Variants in CHMP2B observed in about 807,000 individuals in gnomAD.
The protein encoded by CHMP2B is VPS2 homolog B.
In CHMP2B, 22 loss-of-function variants were observed where a neutral mutation model predicts 29.8. The observed-to-expected ratio is 0.74, with a 90% CI of 0.53 to 1.05. The LOEUF (loss-of-function observed/expected upper bound fraction) is 1.05, where lower values mean the gene tolerates loss of function less well. CHMP2B is among the 50% of genes least tolerant of loss of function. The probability of loss-of-function intolerance (pLI) is 0.00; values close to 1 mark genes in which losing one functional copy is unlikely to be tolerated. For synonymous variants in CHMP2B, 78 were observed against 75.8 expected, an observed-to-expected ratio of 1.03 and a Z score of -0.15; for missense variants, 261 against 252.2, an observed-to-expected ratio of 1.03 and a Z score of -0.24.
chr3:87,252,131 T>A (rs1706322560), intron 4 of CHMP2B, among the ~76,000 whole-genome samples: 1 of 151,954 alleles, frequency 6.6e-6, no homozygotes, highest in Non-Finnish European at 1.5e-5. Context: ...TTATGTGACA[T>A]TTCCAGGGAG....
rs369294279 is a variant in CHMP2B, at chr3:87,248,806, T to A, written c.322-1069T>A. 3.9e-5 allele frequency among the ~76,000 whole-genome samples: 6 copies of A among 152,152 alleles called. No individual in the cohort carries two copies. The East Asian group carries it at 1.2e-3, about 29-fold the overall frequency. On this transcript the variant is annotated intron_variant, in intron 3 of 5. Coordinates refer to ENST00000263780, the MANE Select transcript of CHMP2B (RefSeq NM_014043.4). ...AGTGTCATACTTGGAAAGAATACTTTGGCTACTGCATTGCATGCCATTGAG... is the reference window on the plus strand; with the variant it reads ...AGTGTCATACTTGGAAAGAATACTTAGGCTACTGCATTGCATGCCATTGAG...
intron 5 of CHMP2B, 32 bp from the exon 6 acceptor site, chr3:87,253,680 T>G (rs369051984): frequency 6.4e-7 from 1 of 1,564,330 alleles, no homozygotes. Flanking sequence ...TGTTTCCTAA[T>G]GCACGTTTGT....
intron 2 of CHMP2B, among the ~76,000 whole-genome samples, chr3:87,241,476 C>T (rs1706118408): frequency 6.6e-6 from 1 of 152,094 alleles, no homozygotes; most frequent in South Asian, 2.1e-4. Context: ...TGCCTGTCTC[C>T]CTTTTTCCTG....
intron 2 of CHMP2B, among the ~76,000 whole-genome samples, chr3:87,243,438 G>A (rs1399375119): frequency 6.6e-6 from 1 of 151,670 alleles, no homozygotes; most frequent in Non-Finnish European, 1.5e-5. Context: ...CACTTTTATT[G>A]CCCAGGCGGC....
intron 1 of CHMP2B, among the ~76,000 whole-genome samples, chr3:87,237,690 A>G (rs1293406366): frequency 6.6e-6 from 1 of 152,210 alleles, no homozygotes; most frequent in Non-Finnish European, 1.5e-5. Flanking sequence ...AGGATTGACA[A>G]TGCATACCCA....
intron 3 of CHMP2B, among the ~76,000 whole-genome samples, chr3:87,247,948 C>T (rs1575969989): frequency 6.6e-6 from 1 of 152,042 alleles, no homozygotes; most frequent in East Asian, 1.9e-4. Flanking sequence ...AGAATGCATC[C>T]ATTTTGTGAA....
At chr3:87,238,590 A>T (rs1183572253) in intron 1 of CHMP2B, among the ~76,000 whole-genome samples, 1 of 152,104 alleles carries the variant, frequency 6.6e-6, no homozygotes. Flanking sequence ...CGCTTACCAT[A>T]ATGTTTTTGA....
In CHMP2B at chr3:87,245,745, G is replaced by T. The variant is rs370382342; in HGVS notation, c.158G>T (p.Gly53Val). 1.2e-6 allele frequency: 2 copies of T among 1,613,538 alleles called. No homozygotes were observed. Among genetic ancestry groups the T allele is most frequent in the South Asian group, 2.2e-5 (2 of 90,992 alleles). The change falls in exon 3 of 6, where the codon GGT (glycine) becomes GTT (valine). Residue 53 changes from glycine to valine, a missense_variant. Transcript: ENST00000263780. ...ELEIKKMAKI[G>V]NKEACKVLAK... ...GAAATTAAGAAAATGGCCAAGATTG[G>T]TAATAAGGAAGCTTGCAAAGTTTTA... is the stretch of plus-strand genomic sequence containing the variant.
chr3:87,249,506 A>G (rs1706275993), intron 3 of CHMP2B, among the ~76,000 whole-genome samples: 2 of 152,064 alleles, frequency 1.3e-5, no homozygotes, highest in African/African-American at 4.8e-5. Flanking sequence ...AATTTTAATG[A>G]AAGTTTTTAT....
At chr3:87,235,279 C>G (rs1400219297) in intron 1 of CHMP2B, among the ~76,000 whole-genome samples, 2 of 152,102 alleles carry the variant, frequency 1.3e-5, no homozygotes, top group African/African-American at 4.8e-5. Flanking sequence ...TCTGTATTAT[C>G]TAGAAGACCA....
At position 87,245,707 on chromosome 3, in the gene CHMP2B, C is replaced by T. The variant is rs201132171; in HGVS notation, c.127-7C>T. On this transcript the variant is annotated splice_region_variant and splice_polypyrimidine_tract_variant and intron_variant, in intron 2 of 5. Coordinates refer to ENST00000263780, the MANE Select transcript of CHMP2B (RefSeq NM_014043.4). ...TTTTATTTTCTTTTGTTTGTTTCTTCTCTTAGGAATTAGAAATTAAGAAAA... is the reference window on the plus strand; with the variant it reads ...TTTTATTTTCTTTTGTTTGTTTCTTTTCTTAGGAATTAGAAATTAAGAAAA... The T allele has an allele frequency of 7.5e-6, 12 of 1,608,534 alleles. No homozygotes were observed. Among genetic ancestry groups the T allele is most frequent in the African/African-American group, 2.7e-5 (2 of 74,818 alleles).
At position 87,255,530 on chromosome 3, in the gene CHMP2B, A is replaced by G. The variant is rs964847709; in HGVS notation, c.*1708A>G. 2.0e-5 allele frequency: 3 copies of G among 152,386 alleles called. No individual in the cohort carries two copies. Among genetic ancestry groups the G allele is most frequent in the Non-Finnish European group, 4.4e-5 (3 of 67,918 alleles). 9.4% of individuals were successfully genotyped at this position (152,386 alleles called of 1,614,324 possible). A position where few individuals can be genotyped will look rare whatever the true frequency, so the allele number is the denominator to read the frequency against. On this transcript the variant is annotated 3_prime_UTR_variant, in exon 6 of 6. Transcript: ENST00000263780. Reference sequence around the variant, plus strand: ...TTTGCTCTTTTTGGTTCCTGCTAAAATTAAAAATTTTATGCATATTTGGTA... The same window carrying G: ...TTTGCTCTTTTTGGTTCCTGCTAAAGTTAAAAATTTTATGCATATTTGGTA...
rs563790297 is a variant in CHMP2B, at chr3:87,249,012, T to C, written c.322-863T>C. 7.9e-5 allele frequency among the ~76,000 whole-genome samples: 12 copies of C among 152,308 alleles called. No homozygotes were observed. The South Asian group carries it at 2.3e-3, about 29-fold the overall frequency. ...ATAGGGATACATTCTGAAAAATTCA[T>C]CTTAGGCAATTTCATCATTGTGTAA... On this transcript the variant is annotated intron_variant, in intron 3 of 5. Transcript: ENST00000263780.
rs139126268 is a variant in CHMP2B, at chr3:87,245,800, G to C, written c.213G>C (p.Gln71His). The C allele has an allele frequency of 1.5e-5, 25 of 1,613,724 alleles. No homozygotes were observed. The African/African-American group carries it at 3.2e-4, about 21-fold the overall frequency. ...AACAACTTGTGCATCTACGGAAACA[G>C]AAGACGAGAACTTTTGCTGTAAGTT... Reference protein sequence around the residue: ...LAKQLVHLRKQKTRTFAVSSK... With the variant: ...LAKQLVHLRKHKTRTFAVSSK... Residue 71 changes from glutamine to histidine, a missense_variant, in exon 3 of 6, where the codon CAG (glutamine) becomes CAC (histidine). By Grantham distance (24) the Gln-to-His change is conservative. Transcript: ENST00000263780.
chr3:87,232,977 A>T (rs981549606), intron 1 of CHMP2B, among the ~76,000 whole-genome samples: 4 of 152,168 alleles, frequency 2.6e-5, no homozygotes, highest in Admixed American at 6.5e-5. Flanking sequence ...GAGAGTTACT[A>T]GTAGGAGAAA....
chr3:87,247,013 T>C (rs114971691), intron 3 of CHMP2B, among the ~76,000 whole-genome samples: 1 of 152,242 alleles, frequency 6.6e-6, no homozygotes, highest in East Asian at 1.9e-4. Flanking sequence ...GGATTGTGAA[T>C]ATGAAGTGCA....
intron 1 of CHMP2B, among the ~76,000 whole-genome samples, chr3:87,232,856 G>A (rs1324921541): frequency 1.3e-5 from 2 of 152,158 alleles, no homozygotes; most frequent in Non-Finnish European, 2.9e-5. Flanking sequence ...AGACTCAAAA[G>A]TCTACTGACA....
At chr3:87,245,241 G>A (rs1706188796) in intron 2 of CHMP2B, among the ~76,000 whole-genome samples, 4 of 152,090 alleles carry the variant, frequency 2.6e-5, no homozygotes, top group Admixed American at 2.6e-4. Flanking sequence ...ATAGCATATA[G>A]TTGGGTTTGC....
intron 1 of CHMP2B, among the ~76,000 whole-genome samples, chr3:87,238,118 T>A (rs1446892055): frequency 6.6e-6 from 1 of 152,180 alleles, no homozygotes; most frequent in African/African-American, 2.4e-5. Flanking sequence ...ATTAGTTTTA[T>A]CAATATGACT....
Sources: gnomAD v4.1 joint callset for allele counts (sites outside exome capture counted in the v4.1 genomes callset) on GRCh38, gnomAD v4.1.1 for gene constraint, MANE v1.5 for transcripts, NCBI Gene and HGNC (gene_info 2026-07-23, HGNC 2026-07-21) for gene names.